Variants in TTBK2 observed in about 807,000 individuals in gnomAD.
TTBK2 encodes the protein tau tubulin kinase 2.
TTBK2 carries 28 observed loss-of-function variants against 110.8 expected under a neutral mutation model. The ratio of observed to expected loss-of-function variants is 0.25; its 90% confidence interval spans 0.19 to 0.35. The LOEUF is 0.35. TTBK2 is among the 10% of genes least tolerant of loss of function. TTBK2 has a pLI of 1.00. For missense variants in TTBK2, 1,369 were observed against 1,500.3 expected, an observed-to-expected ratio of 0.91 and a Z score of 1.45; for synonymous variants, 532 against 527.3, an observed-to-expected ratio of 1.01 and a Z score of -0.12.
At chr15:42,818,036 TTTTA>T (rs1222337803) in intron 6 of TTBK2, among the ~76,000 whole-genome samples, 1 of 152,158 alleles carries the variant, frequency 6.6e-6, no homozygotes, top group Non-Finnish European at 1.5e-5. Flanking sequence ...CCCAAATCAA[TTTTA>T]TTTATATTCT....
chr15:42,790,863 C>A (rs370702647), intron 10 of TTBK2, among the ~76,000 whole-genome samples: 1 of 151,846 alleles, frequency 6.6e-6, no homozygotes, highest in East Asian at 1.9e-4. Flanking sequence ...TCATGCCCAG[C>A]TAATTTTTGT....
At chr15:42,762,215 A>T (rs1328206061) in intron 13 of TTBK2, among the ~76,000 whole-genome samples, 1 of 152,206 alleles carries the variant, frequency 6.6e-6, no homozygotes, top group Non-Finnish European at 1.5e-5. Flanking sequence ...TGGGAATGTA[A>T]ACTAGTACAG....
chr15:42,752,345 C>G lies in TTBK2; in HGVS notation c.2901G>C (p.Lys967Asn). ...GCTGATAGGCTTTCTTTTGGAGGAGCTTTTCTTTTGCAGAAACTGGAGAGG... is the reference window on the plus strand; with the variant it reads ...GCTGATAGGCTTTCTTTTGGAGGAGGTTTTCTTTTGCAGAAACTGGAGAGG... ...ESSSPVSAKE[K>N]LLQKKAYQPD... The change falls in exon 14 of 15, where the codon AAG becomes AAC. Residue 967 changes from lysine (K) to asparagine (N), a missense_variant. By Grantham distance (94) the Lys-to-Asn change is moderately conservative. Coordinates refer to ENST00000267890, the MANE Select transcript of TTBK2 (RefSeq NM_173500.4). 6.2e-7 allele frequency: 1 copy of G among 1,614,178 alleles called. No individual in the cohort carries two copies. Among genetic ancestry groups the G allele is most frequent in the East Asian group, 2.2e-5 (1 of 44,890 alleles).
At chr15:42,905,761 C>T (rs1451197847) in intron 1 of TTBK2, among the ~76,000 whole-genome samples, 1 of 152,004 alleles carries the variant, frequency 6.6e-6, no homozygotes, top group South Asian at 2.1e-4. Context: ...GGCTATTGGG[C>T]CCATTAATTA....
In TTBK2 at chr15:42,846,512, T is replaced by C. The variant is rs558026752; in HGVS notation, c.218-6079A>G. On this transcript the variant is annotated intron_variant, in intron 3 of 14. Transcript: ENST00000267890. ...CCTAATAGTTTCAATCTGTGGTTGG[T>C]TGCATCCACAGATGTGGAATGCATG... Among the ~76,000 whole-genome samples the C allele has an allele frequency of 3.9e-5, 6 of 152,248 alleles. No individual in the cohort carries two copies. In the South Asian group the frequency reaches 1.0e-3, roughly 26 times the overall value.
At position 42,746,197 on chromosome 15, in the gene TTBK2, C is replaced by T. The variant is rs1354774466; in HGVS notation, c.3333G>A (p.Leu1111=). 1 of 1,614,096 alleles carries T rather than the reference C, an allele frequency of 6.2e-7. No individual in the cohort carries two copies. Among genetic ancestry groups the T allele is most frequent in the Admixed American group, 1.7e-5 (1 of 60,026 alleles). Residue 1111 remains leucine, a synonymous_variant, in exon 15 of 15, where the codon CTG becomes CTA. Transcript: ENST00000267890. The stretch of plus-strand genomic sequence containing the variant: ...GAGATCCATTTTGAAGAATTTGGGC[C>T]AGGCGGGAGAAAAGGTCTGAGTCGG... ...SNSDSDLFSR[L]AQILQNGSQK... is the part of the protein sequence containing the mutation.
At chr15:42,916,365 T>C (rs540199246) in intron 1 of TTBK2, among the ~76,000 whole-genome samples, 15 of 152,348 alleles carry the variant, frequency 9.8e-5, no homozygotes, top group African/African-American at 3.6e-4. Flanking sequence ...TTTCACTCTG[T>C]CACCCAGGCT....
At position 42,769,156 on chromosome 15, in the gene TTBK2, CCCTAGAAGAAAA is replaced by C. The variant is rs565313181; in HGVS notation, c.1998+5967_1998+5978del. On this transcript the variant is annotated intron_variant, in intron 13 of 14. Coordinates refer to ENST00000267890, the MANE Select transcript of TTBK2 (RefSeq NM_173500.4). ...CATGTTAGACCTAAAACCATAAAAACCCTAGAAGAAAACCTAGGCAATACCATTCAGGACATA... is the reference window on the plus strand; with the variant it reads ...CATGTTAGACCTAAAACCATAAAAACCCTAGGCAATACCATTCAGGACATA... Among the ~76,000 whole-genome samples the C allele has an allele frequency of 2.9e-3, 434 of 152,256 alleles. 1 individual carries two copies. Among genetic ancestry groups the C allele is most frequent in the African/African-American group, 0.01 (421 of 41,532 alleles).
At position 42,904,051 on chromosome 15, in the gene TTBK2, G is replaced by A. The variant is rs139520530; in HGVS notation, c.-68+16387C>T. 7.2e-4 allele frequency among the ~76,000 whole-genome samples: 109 copies of A among 152,260 alleles called. No homozygotes were observed. In the East Asian group the frequency reaches 0.018, roughly 25 times the overall value. ...GAATCCTGCCAACAATCATCAGAATGAGCTTGGAAATAGAACCCTCCCAAG... is the reference window on the plus strand; with the variant it reads ...GAATCCTGCCAACAATCATCAGAATAAGCTTGGAAATAGAACCCTCCCAAG... On this transcript the variant is annotated intron_variant, in intron 1 of 14. Transcript: ENST00000267890.
chr15:42,867,645 C>A (rs1363377718), intron 3 of TTBK2, among the ~76,000 whole-genome samples: 1 of 152,260 alleles, frequency 6.6e-6, no homozygotes, highest in South Asian at 2.1e-4. Context: ...TCACTACACA[C>A]CTATCTGATG....
chr15:42,904,351 T>A (rs1255328256), intron 1 of TTBK2, among the ~76,000 whole-genome samples: 1 of 152,146 alleles, frequency 6.6e-6, no homozygotes, highest in African/African-American at 2.4e-5. Flanking sequence ...GAAAAATTAA[T>A]AACTTAGCTA....
chr15:42,770,980 T>C (rs1889643166), intron 13 of TTBK2, among the ~76,000 whole-genome samples: 1 of 142,672 alleles, frequency 7.0e-6, no homozygotes, highest in South Asian at 2.1e-4. Flanking sequence ...TCTTTCCTTT[T>C]TTTTTTTCTT....
chr15:42,848,535 G>C (rs1893562669), intron 3 of TTBK2, among the ~76,000 whole-genome samples: 1 of 151,020 alleles, frequency 6.6e-6, no homozygotes, highest in African/African-American at 2.4e-5. Flanking sequence ...TTGTTGCCCA[G>C]GCTGGAGTAC....
At chr15:42,778,788 G>A (rs1004976460) in intron 11 of TTBK2, among the ~76,000 whole-genome samples, 6 of 152,100 alleles carry the variant, frequency 3.9e-5, no homozygotes, top group Non-Finnish European at 8.8e-5. Context: ...TCTAACTGGA[G>A]TCCTAGAAAG....
chr15:42,746,275 A>T lies in TTBK2; in HGVS notation c.3273-18T>A, dbSNP rs2140557980. 6.4e-7 allele frequency: 1 copy of T among 1,562,126 alleles called. No individual in the cohort carries two copies. Among genetic ancestry groups the T allele is most frequent in the East Asian group, 2.3e-5 (1 of 43,502 alleles). On this transcript the variant is annotated intron_variant, in intron 14 of 14. Coordinates refer to ENST00000267890, the MANE Select transcript of TTBK2 (RefSeq NM_173500.4). ...TGCGTAGCCTTAAAAGAACAGAGAAAATATATTTTAATTTTAATTCATTTC... is the reference window on the plus strand; with the variant it reads ...TGCGTAGCCTTAAAAGAACAGAGAATATATATTTTAATTTTAATTCATTTC...
chr15:42,784,631 T>G (rs903478178), intron 10 of TTBK2, among the ~76,000 whole-genome samples: 1 of 152,186 alleles, frequency 6.6e-6, no homozygotes, highest in Non-Finnish European at 1.5e-5. Flanking sequence ...GCTGTTGAAC[T>G]CCAAATAAAA....
chr15:42,871,315 G>T (rs192123220), intron 3 of TTBK2: 1 of 315,236 alleles, frequency 3.2e-6, no homozygotes, highest in African/African-American at 2.3e-5. Flanking sequence ...AGCATCCAAG[G>T]GTCTCTAACT....
chr15:42,906,235 A>C (rs2030392025), intron 1 of TTBK2, among the ~76,000 whole-genome samples: 1 of 152,156 alleles, frequency 6.6e-6, no homozygotes, highest in Admixed American at 6.6e-5. Flanking sequence ...ATGTTTCCTA[A>C]ACAACAGAAG....
intron 10 of TTBK2, among the ~76,000 whole-genome samples, chr15:42,785,722 G>A (rs1192406394): frequency 1.3e-5 from 2 of 151,208 alleles, no homozygotes; most frequent in African/African-American, 4.9e-5. Flanking sequence ...TGCCAGTTCT[G>A]TAACTCTATA....
Sources: allele counts gnomAD v4.1 joint callset (sites outside exome capture counted in the v4.1 genomes callset), GRCh38; gene constraint gnomAD v4.1.1; transcripts MANE v1.5; gene names NCBI Gene and HGNC (gene_info 2026-07-23, HGNC 2026-07-21).